MYO16: variants seen among roughly 807,000 people sequenced by gnomAD.
MYO16 encodes myosin XVI.
In MYO16, 94 loss-of-function variants were observed where a neutral mutation model predicts 205.3. The observed-to-expected ratio is 0.46, with a 90% CI of 0.39 to 0.54. The LOEUF (loss-of-function observed/expected upper bound fraction) is 0.54. Ranked by LOEUF, MYO16 falls within the 20% of genes least tolerant of loss-of-function variation. The pLI is 0.00. For synonymous variants in MYO16, 988 were observed against 954.0 expected (o/e 1.04, Z -0.66); for missense variants, 2,315 against 2,387.5 (o/e 0.97, Z 0.63).
the MYO16 span, among the ~76,000 whole-genome samples, chr13:108,543,970 C>T: frequency 7.2e-6 from 1 of 139,576 alleles, no homozygotes; most frequent in East Asian, 2.1e-4. Context: ...GAGGCTGAGG[C>T]AGAAGAATCG....
chr13:108,887,543 T>G (rs961047477), intron 13 of MYO16, among the ~76,000 whole-genome samples: 2 of 152,154 alleles, frequency 1.3e-5, no homozygotes, highest in African/African-American at 4.8e-5. Context: ...TATCATATAG[T>G]GTCAGGAATA....
At position 109,140,897 on chromosome 13, in the gene MYO16, C is replaced by A. The variant is rs777772987; in HGVS notation, c.4685C>A (p.Pro1562Gln). 6.3e-7 allele frequency: 1 copy of A among 1,589,806 alleles called. No individual in the cohort carries two copies. Residue 1562 changes from proline (P) to glutamine (Q), a missense_variant, in exon 32 of 35, where the codon CCG (proline) becomes CAG (glutamine). Physicochemically the swap from Pro to Gln is moderately conservative, Grantham distance 76. Coordinates refer to ENST00000457511, the MANE Select transcript of MYO16 (RefSeq NM_001198950.3). This position sits in a 1 kb window ranked among gnomAD's most constrained non-coding sequence, Gnocchi z 8.0. ...CCGGAGGGGTCGAGCCCGCTGTCCC[C>A]GCAGTACTCCAAGAGCCAGAAGGGC... The part of the protein sequence containing the change: ...VQPEGSSPLS[P>Q]QYSKSQKGDG...
At chr13:108,732,731 C>T (rs538434996) in intron 4 of MYO16, among the ~76,000 whole-genome samples, 2 of 152,172 alleles carry the variant, frequency 1.3e-5, no homozygotes, top group Admixed American at 6.5e-5. Context: ...AAGAGGATCA[C>T]GTTTGCTGCT....
chr13:108,566,665 AGAAGGAAG>A, the MYO16 span, among the ~76,000 whole-genome samples: 3 of 149,778 alleles, frequency 2.0e-5, no homozygotes, highest in Admixed American at 6.7e-5. Flanking sequence ...AAAGAAGGAA[AGAAGGAAG>A]GAAGGAAGGA....
At chr13:108,882,999 A>G in intron 12 of MYO16, 60 bp from the exon 13 acceptor site, 1 of 1,591,904 alleles carries the variant, frequency 6.3e-7, no homozygotes, top group South Asian at 1.1e-5. Context: ...TCATTATGGG[A>G]TGAGGAATAC....
chr13:108,816,389 C>T (rs196173), intron 7 of MYO16, among the ~76,000 whole-genome samples: 240 of 136,648 alleles, frequency 1.8e-3, no homozygotes, highest in African/African-American at 3.8e-3. Flanking sequence ...TTTAAGTTTA[C>T]GCTAGAATGG....
chr13:109,009,192 G>A (rs1452598506), intron 22 of MYO16, 143 bp downstream of exon 22: 1 of 608,838 alleles, frequency 1.6e-6, no homozygotes, highest in Non-Finnish European at 2.6e-6. Context: ...ATGTATTGAG[G>A]TGCACAAGTT....
intron 4 of MYO16, among the ~76,000 whole-genome samples, chr13:108,732,618 G>T (rs1884560928): frequency 6.6e-6 from 1 of 152,210 alleles, no homozygotes; most frequent in African/African-American, 2.4e-5. Context: ...GCATGGTGAG[G>T]TCAAGCCTTT....
At chr13:108,572,321 C>T in the MYO16 span, among the ~76,000 whole-genome samples, 1 of 152,130 alleles carries the variant, frequency 6.6e-6, no homozygotes, top group Non-Finnish European at 1.5e-5. Context: ...TAGCCCTCTC[C>T]CACTAACCTT....
intron 24 of MYO16, 29 bp from the exon 25 acceptor site, chr13:109,052,271 C>T (rs1344724423): frequency 5.7e-6 from 9 of 1,589,506 alleles, no homozygotes; most frequent in Non-Finnish European, 7.8e-6. Context: ...TTTAGTGCCA[C>T]TTACGATATT....
chr13:108,806,565 T>C, intron 6 of MYO16, 114 bp from the exon 7 acceptor site: 1 of 799,770 alleles, frequency 1.3e-6, no homozygotes, highest in African/African-American at 1.7e-5. Flanking sequence ...GTTTTTATGG[T>C]CTCTGTATTT....
intron 16 of MYO16, among the ~76,000 whole-genome samples, chr13:108,951,442 G>A (rs978539485): frequency 1.3e-5 from 2 of 152,178 alleles, no homozygotes; most frequent in Admixed American, 6.5e-5. Context: ...AAAGGCTGTG[G>A]GGTTGGCTGG....
chr13:108,840,055 T>A (rs1045743520), intron 9 of MYO16, among the ~76,000 whole-genome samples: 1 of 152,208 alleles, frequency 6.6e-6, no homozygotes, highest in Non-Finnish European at 1.5e-5. Context: ...AATGGCTACA[T>A]AACTCACCCA....
At chr13:108,943,887 G>A (rs1238804489) in intron 16 of MYO16, among the ~76,000 whole-genome samples, 1 of 152,208 alleles carries the variant, frequency 6.6e-6, no homozygotes. Context: ...CACCGGCTTT[G>A]TTTCTTCTTT....
chr13:108,584,796 G>A, the MYO16 span, among the ~76,000 whole-genome samples: 1 of 152,116 alleles, frequency 6.6e-6, no homozygotes, highest in Non-Finnish European at 1.5e-5. Context: ...ATATTTTGAT[G>A]TGCAACAATG....
chr13:109,173,317 G>A (rs1332984610), intron 33 of MYO16, among the ~76,000 whole-genome samples: 1 of 152,172 alleles, frequency 6.6e-6, no homozygotes, highest in African/African-American at 2.4e-5. Context: ...AAGGCAGTCA[G>A]CAATAATGTC....
chr13:108,730,792 A>G (rs1320717166), intron 4 of MYO16, among the ~76,000 whole-genome samples: 3 of 152,150 alleles, frequency 2.0e-5, no homozygotes, highest in Non-Finnish European at 4.4e-5. Flanking sequence ...AACTAGGAAT[A>G]CCCTCACATC....
At chr13:108,641,623 G>T (rs558630233) in intron 1 of MYO16, among the ~76,000 whole-genome samples, 2 of 152,258 alleles carry the variant, frequency 1.3e-5, no homozygotes, top group Non-Finnish European at 1.5e-5. Flanking sequence ...TACATGTCTA[G>T]TTCATTATTC....
At chr13:108,954,739 A>G (rs1883282946) in intron 16 of MYO16, among the ~76,000 whole-genome samples, 1 of 152,142 alleles carries the variant, frequency 6.6e-6, no homozygotes, top group Non-Finnish European at 1.5e-5. Flanking sequence ...ACCCTGTATA[A>G]TAATAGTAAT....
Sources: allele counts gnomAD v4.1 joint callset (sites outside exome capture counted in the v4.1 genomes callset), GRCh38; gene constraint gnomAD v4.1.1; non-coding constraint Gnocchi (gnomAD v3.1); transcripts MANE v1.5; gene names NCBI Gene and HGNC (gene_info 2026-07-23, HGNC 2026-07-21).